MGAT4C: variants seen among roughly 807,000 people sequenced by gnomAD.
MGAT4C encodes the protein MGAT4 family member C.
A neutral mutation model predicts 40.1 loss-of-function variants in MGAT4C; 19 were observed. The observed-to-expected ratio is 0.47, with a 90% CI of 0.33 to 0.70. The LOEUF (loss-of-function observed/expected upper bound fraction) is 0.70. Ranked by LOEUF, MGAT4C falls within the 30% of genes least tolerant of loss-of-function variation. The pLI, the probability that MGAT4C is intolerant of heterozygous loss-of-function variation, is 0.02. For missense variants in MGAT4C, 491 were observed against 563.2 expected, an observed-to-expected ratio of 0.87 and a Z score of 1.30; for synonymous variants, 181 against 187.1, an observed-to-expected ratio of 0.97 and a Z score of 0.27.
In MGAT4C at chr12:86,787,354, G is replaced by A. The variant is rs117177870; in HGVS notation, c.-262+51312C>T. Among the ~76,000 whole-genome samples, 827 of 152,036 alleles carry A rather than the reference G, an allele frequency of 5.4e-3. 6 individuals carry two copies. The highest frequency in any genetic ancestry group is 9.2e-3 in the Non-Finnish European group (623 of 67,984). ...TTATGACTGAGTAGTATTCAATTTT[G>A]TATATGTGTATGCATAAATAGTCTG... On this transcript the variant is annotated intron_variant, in intron 1 of 7. Coordinates refer to the MGAT4C transcript ENST00000548651.
At chr12:86,410,644 T>C (rs1956585823) in intron 3 of MGAT4C, among the ~76,000 whole-genome samples, 1 of 152,158 alleles carries the variant, frequency 6.6e-6, no homozygotes, top group Non-Finnish European at 1.5e-5. Flanking sequence ...ACGTACATTC[T>C]CAGCTTACGA....
At chr12:86,590,156 T>C (rs1961263513) in intron 2 of MGAT4C, among the ~76,000 whole-genome samples, 2 of 151,190 alleles carry the variant, frequency 1.3e-5, no homozygotes, top group African/African-American at 2.4e-5. Flanking sequence ...TTCACACCAG[T>C]AAAATGTAGA....
intron 1 of MGAT4C, among the ~76,000 whole-genome samples, chr12:86,203,274 A>T (rs1950115960): frequency 6.6e-6 from 1 of 152,110 alleles, no homozygotes; most frequent in South Asian, 2.1e-4. Context: ...CCTTATCCCT[A>T]TAAAACTTTC....
chr12:86,187,571 T>G (rs574490610), intron 1 of MGAT4C, among the ~76,000 whole-genome samples: 15 of 151,948 alleles, frequency 9.9e-5, no homozygotes, highest in African/African-American at 3.6e-4. Flanking sequence ...AAATCTTTCC[T>G]TTTAGATTTG....
intron 3 of MGAT4C, among the ~76,000 whole-genome samples, chr12:86,375,645 A>G (rs1955810215): frequency 6.6e-6 from 1 of 152,060 alleles, no homozygotes; most frequent in Non-Finnish European, 1.5e-5. Context: ...ATACCTGTAT[A>G]TAGTTATTTA....
chr12:86,582,366 G>A (rs905085530), intron 2 of MGAT4C, among the ~76,000 whole-genome samples: 1 of 151,246 alleles, frequency 6.6e-6, no homozygotes, highest in Non-Finnish European at 1.5e-5. Context: ...GTGAAGCTGA[G>A]TCAATGAGAA....
intron 1 of MGAT4C, among the ~76,000 whole-genome samples, chr12:86,246,328 G>A (rs1479665487): frequency 6.6e-6 from 1 of 151,954 alleles, no homozygotes; most frequent in Non-Finnish European, 1.5e-5. Flanking sequence ...TGGGACTACA[G>A]GCGCCCGTCA....
chr12:86,762,587 T>C (rs1451975822), intron 1 of MGAT4C, among the ~76,000 whole-genome samples: 1 of 152,210 alleles, frequency 6.6e-6, no homozygotes. Context: ...GTATCTTAAA[T>C]AACCTTAATT....
In MGAT4C at chr12:86,140,173, T is replaced by C. The variant is rs527496353; in HGVS notation, c.-56-90450A>G. 5.3e-5 allele frequency among the ~76,000 whole-genome samples: 8 copies of C among 152,286 alleles called. No individual in the cohort carries two copies. In the South Asian group the frequency reaches 1.7e-3, roughly 32 times the overall value. On this transcript the variant is annotated intron_variant, in intron 1 of 4. Coordinates refer to ENST00000611864, the MANE Select transcript of MGAT4C (RefSeq NM_001351288.2). ...TTCTACCTGTTCCTCTGATTAACTT[T>C]TCTCCTTTAGTCATATATTAAATGT... is the stretch of plus-strand genomic sequence containing the variant.
chr12:86,834,170 AG>A (rs1366514537), intron 1 of MGAT4C, among the ~76,000 whole-genome samples: 4 of 122,636 alleles, frequency 3.3e-5, no homozygotes, highest in Non-Finnish European at 5.1e-5. Flanking sequence ...AGATAGAGAT[AG>A]ATAGATATAG....
At chr12:86,705,785 T>C (rs1206807058) in intron 2 of MGAT4C, among the ~76,000 whole-genome samples, 1 of 152,086 alleles carries the variant, frequency 6.6e-6, no homozygotes, top group Non-Finnish European at 1.5e-5. Flanking sequence ...AAATAATTAA[T>C]GGGGATCGGG....
At chr12:86,461,714 T>C (rs1017902072) in intron 2 of MGAT4C, among the ~76,000 whole-genome samples, 14 of 152,188 alleles carry the variant, frequency 9.2e-5, no homozygotes, top group African/African-American at 2.9e-4. Flanking sequence ...TTTGAGAACT[T>C]TACAGAATGT....
intron 3 of MGAT4C, among the ~76,000 whole-genome samples, chr12:86,385,973 C>A (rs1335609942): frequency 2.6e-5 from 4 of 152,104 alleles, no homozygotes; most frequent in Non-Finnish European, 4.4e-5. Flanking sequence ...CTCTGTCACC[C>A]AGGCTGGAGT....
At chr12:86,838,476 C>G (rs531054827) in intron 1 of MGAT4C, among the ~76,000 whole-genome samples, 5 of 152,138 alleles carry the variant, frequency 3.3e-5, no homozygotes, top group Non-Finnish European at 5.9e-5. Context: ...GCAATTCAAA[C>G]TATATTCTAC....
In MGAT4C at chr12:85,963,461, C is replaced by A. The variant is rs991662299; in HGVS notation, c.*15828G>T. 3 of 151,894 alleles carry A rather than the reference C, an allele frequency of 2.0e-5. No individual in the cohort carries two copies. Among genetic ancestry groups the A allele is most frequent in the Non-Finnish European group, 4.4e-5 (3 of 67,878 alleles). 9.4% of individuals were successfully genotyped at this position (151,894 alleles called of 1,614,324 possible). A position where few individuals can be genotyped will look rare whatever the true frequency, so the allele number is the denominator to read the frequency against. On this transcript the variant is annotated 3_prime_UTR_variant, in exon 5 of 5. Transcript: ENST00000611864. Reference sequence around the variant, plus strand: ...ACACACACATACACACAGACACACACAGAGTTTGCTTATAAGCTCAGGAAG... The same window carrying A: ...ACACACACATACACACAGACACACAAAGAGTTTGCTTATAAGCTCAGGAAG...
chr12:86,768,725 C>G (rs1951566943), intron 1 of MGAT4C, among the ~76,000 whole-genome samples: 1 of 152,114 alleles, frequency 6.6e-6, no homozygotes. Flanking sequence ...ATATCTACAA[C>G]TATCTGATCT....
intron 4 of MGAT4C, among the ~76,000 whole-genome samples, chr12:86,303,047 G>A (rs1014718095): frequency 6.7e-6 from 1 of 150,346 alleles, no homozygotes; most frequent in Non-Finnish European, 1.5e-5. Flanking sequence ...TTCTCCCTTC[G>A]TTTTCTGATA....
chr12:86,415,132 G>A (rs1956682088), intron 3 of MGAT4C, among the ~76,000 whole-genome samples: 1 of 151,882 alleles, frequency 6.6e-6, no homozygotes, highest in African/African-American at 2.4e-5. Context: ...GGTGACACCG[G>A]GACCTCAAGT....
chr12:86,359,354 A>G (rs1310212397), intron 3 of MGAT4C, among the ~76,000 whole-genome samples: 2 of 152,210 alleles, frequency 1.3e-5, no homozygotes, highest in Admixed American at 1.3e-4. Context: ...TTATAGCACT[A>G]AATGCCCACA....
Sources: gnomAD v4.1 joint callset for allele counts (sites outside exome capture counted in the v4.1 genomes callset) on GRCh38, gnomAD v4.1.1 for gene constraint, MANE v1.5 for transcripts, NCBI Gene and HGNC (gene_info 2026-07-23, HGNC 2026-07-21) for gene names.